MYO15B: variants seen among roughly 807,000 people sequenced by gnomAD.
MYO15B encodes the protein myosin XVB, also known as myosin XVB pseudogene.
Under a neutral mutation model 119.3 loss-of-function variants are expected in MYO15B, and 207 were observed. The ratio of observed to expected loss-of-function variants is 1.73; its 90% CI spans 1.55 to 1.95. The LOEUF (loss-of-function observed/expected upper bound fraction) is 1.95. MYO15B is among the 30% of genes most tolerant of loss of function. The probability of loss-of-function intolerance (pLI) is 0.00; values close to 1 mark genes in which losing one functional copy is unlikely to be tolerated. For missense variants in MYO15B, 2,264 were observed against 1,203.1 expected (o/e 1.88, Z -13.04); for synonymous variants, 966 against 498.9 (o/e 1.94, Z -12.48).
intron 14 of MYO15B, among the ~76,000 whole-genome samples, chr17:75,598,638 A>G (rs1281690857): frequency 6.6e-6 from 1 of 152,120 alleles, no homozygotes; most frequent in African/African-American, 2.4e-5. Context: ...ACATGTCTTC[A>G]TGTACTATAT....
chr17:75,605,225 CAGG>C (rs1327335637), intron 19 of MYO15B, among the ~76,000 whole-genome samples: 1 of 151,892 alleles, frequency 6.6e-6, no homozygotes, highest in African/African-American at 2.4e-5. Flanking sequence ...ATCACGAGGT[CAGG>C]AGATCGAGAC....
At chr17:75,594,703 G>T (rs1445333228) in exon 11 of MYO15B, 1 of 703,112 alleles carries the variant, frequency 1.4e-6, no homozygotes, top group Non-Finnish European at 2.6e-6. Flanking sequence ...CCCTCCAGGA[G>T]ACGCCCTATG....
chr17:75,622,081 G>A lies in MYO15B; in HGVS notation c.8082+1G>A. 3 of 703,032 alleles carry A rather than the reference G, an allele frequency of 4.3e-6. No homozygotes were observed. Among genetic ancestry groups the A allele is most frequent in the East Asian group, 2.7e-5 (1 of 37,294 alleles). 43.5% of individuals were successfully genotyped at this position (703,032 alleles called of 1,614,324 possible). ...GGATCTGCTCTATGAACTGCTGAAG[G>A]TAAGCCTGGGCTGTGCGACCCCCAG... is the stretch of plus-strand genomic sequence containing the variant. On this transcript the variant is annotated splice_donor_variant, in intron 53 of 63. Transcript: ENST00000645453. LOFTEE classifies it high-confidence loss of function.
exon 41 of MYO15B, chr17:75,617,275 A>G (rs1332093981): frequency 1.5e-6 from 1 of 665,126 alleles, no homozygotes; most frequent in East Asian, 2.7e-5. Flanking sequence ...CTGCCCGAGG[A>G]CCCAGGGACC....
intron 15 of MYO15B, 67 bp downstream of exon 15, chr17:75,601,630 C>T: frequency 1.5e-6 from 1 of 675,758 alleles, no homozygotes; most frequent in Non-Finnish European, 2.7e-6. Flanking sequence ...AGCTGAGTCA[C>T]CCGACAGCGG....
intron 40 of MYO15B, 21 bp downstream of exon 40, chr17:75,616,982 C>T (rs914887064): frequency 4.6e-5 from 32 of 702,734 alleles, no homozygotes; most frequent in Non-Finnish European, 6.8e-5. Context: ...CAGCCTGTCT[C>T]CCCCAGAGTG....
chr17:75,602,508 C>A lies in MYO15B; in HGVS notation c.3652-9C>A. The A allele has an allele frequency of 1.4e-6, 1 of 702,770 alleles. No individual in the cohort carries two copies. Among genetic ancestry groups the A allele is most frequent in the South Asian group, 1.5e-5 (1 of 67,560 alleles). 43.5% of individuals were successfully genotyped at this position (702,770 alleles called of 1,614,324 possible). ...CCACTTCCCTCCCCACCTGCATGGTCTCTTGCAGGTTCACAAGTTTTTAAA... is the reference window on the plus strand; with the variant it reads ...CCACTTCCCTCCCCACCTGCATGGTATCTTGCAGGTTCACAAGTTTTTAAA... On this transcript the variant is annotated splice_polypyrimidine_tract_variant and intron_variant, in intron 15 of 63. Coordinates refer to ENST00000645453, the Ensembl canonical transcript of MYO15B.
In MYO15B at chr17:75,598,270, AAAAAG is replaced by A. The variant is rs71161234; in HGVS notation, c.3525+1391_3525+1395del. On this transcript the variant is annotated intron_variant, in intron 14 of 63. Coordinates refer to ENST00000645453, the Ensembl canonical transcript of MYO15B. ...GGACAGAGCAAGACTCCGTCTCAAA[AAAAAG>A]AAAAGAAAAGAAAAGAAAATGGGCC... 6.0e-4 allele frequency among the ~76,000 whole-genome samples: 91 copies of A among 151,234 alleles called. 1 individual carries two copies. Among genetic ancestry groups the A allele is most frequent in the African/African-American group, 1.9e-3 (80 of 41,256 alleles).
At chr17:75,608,698 C>T (rs958715255) in intron 21 of MYO15B, among the ~76,000 whole-genome samples, 4 of 151,884 alleles carry the variant, frequency 2.6e-5, no homozygotes, top group Non-Finnish European at 5.9e-5. Context: ...GCTGGGATTA[C>T]GGGCATAGGC....
chr17:75,611,946 G>A (rs780855226), exon 25 of MYO15B: 78 of 702,822 alleles, frequency 1.1e-4, no homozygotes, highest in Non-Finnish European at 1.8e-4. Flanking sequence ...GTTCCTGCCC[G>A]GCCCAGCCTG....
In MYO15B at chr17:75,614,422, C is replaced by CT. The variant is rs1413918866; in HGVS notation, c.5381+63dup. The CT allele has an allele frequency of 1.9e-5, 13 of 685,198 alleles. No homozygotes were observed. In the African/African-American group the frequency reaches 2.3e-4, roughly 12 times the overall value. The allele number at this position is 685,198 out of a possible 1,614,324, so 42.4% of individuals were successfully genotyped here. ...CCTGCCGGGGAACCCCACAGCCACCCTGCCACACTCAGGGGTTTATAGGAG... is the reference window on the plus strand; with the variant it reads ...CCTGCCGGGGAACCCCACAGCCACCCTTGCCACACTCAGGGGTTTATAGGAG... On this transcript the variant is annotated intron_variant, in intron 30 of 63. Coordinates refer to ENST00000645453, the Ensembl canonical transcript of MYO15B.
intron 21 of MYO15B, among the ~76,000 whole-genome samples, chr17:75,608,175 G>A (rs2147929571): frequency 6.6e-6 from 1 of 152,118 alleles, no homozygotes; most frequent in Non-Finnish European, 1.5e-5. Flanking sequence ...CTGGAGTGCA[G>A]TGGCGCCATC....
At chr17:75,621,053 A>T (rs1222599102) in exon 50 of MYO15B, 1 of 702,848 alleles carries the variant, frequency 1.4e-6, no homozygotes, top group African/African-American at 1.7e-5. Context: ...CCTTGGAGCC[A>T]GGCACACAGT....
At chr17:75,588,325 G>A (rs1042037498) in exon 1 of MYO15B, 1 of 398,372 alleles carries the variant, frequency 2.5e-6, no homozygotes, top group African/African-American at 2.1e-5. Context: ...GAAAGCCCAG[G>A]AGAGGCAAAG....
At chr17:75,611,601 G>A (rs1225913312) in exon 24 of MYO15B, 2 of 702,670 alleles carry the variant, frequency 2.8e-6, no homozygotes, top group African/African-American at 3.5e-5. Flanking sequence ...CCTCTGCCAG[G>A]AGCTGGGGCG....
exon 46 of MYO15B, chr17:75,619,695 C>T (rs922883001): frequency 1.1e-5 from 8 of 702,736 alleles, no homozygotes; most frequent in East Asian, 2.7e-5. Context: ...AGAGTGGCAG[C>T]GACGTGCAGC....
intron 21 of MYO15B, among the ~76,000 whole-genome samples, chr17:75,608,820 G>A (rs932897226): frequency 3.3e-5 from 5 of 151,874 alleles, no homozygotes; most frequent in Admixed American, 2.0e-4. Flanking sequence ...TACAACCTCC[G>A]CCTCCTGGGT....
In MYO15B at chr17:75,589,903, G is replaced by A. The variant is rs1298956075; in HGVS notation, c.1846G>A (p.Asp616Asn). 2 of 398,664 alleles carry A rather than the reference G, an allele frequency of 5.0e-6. No homozygotes were observed. Among genetic ancestry groups the A allele is most frequent in the Non-Finnish European group, 8.8e-6 (2 of 226,014 alleles). 24.7% of individuals were successfully genotyped at this position (398,664 alleles called of 1,614,324 possible). The change falls in exon 1 of 64, where the codon GAC becomes AAC. Residue 616 changes from aspartate to asparagine, a missense_variant. By Grantham distance (23) the Asp-to-Asn change is conservative (BLOSUM62 1). Coordinates refer to ENST00000645453, the Ensembl canonical transcript of MYO15B. The surrounding 1 kb of genome is among the most constrained non-coding windows in gnomAD (Gnocchi z 4.2). ...GACTGCACCCGACGGGCCTTCCCTC[G>A]ACGAGAGCGGCTCCAGCAGTGAGGC... is the stretch of plus-strand genomic sequence containing the variant.
chr17:75,593,220 A>T (rs820248), intron 9 of MYO15B, among the ~76,000 whole-genome samples: 1 of 127,384 alleles, frequency 7.9e-6, no homozygotes, highest in Non-Finnish European at 1.7e-5. Flanking sequence ...AAAAAAAAAA[A>T]GGGTTGGCGG....
Sources: gnomAD v4.1 joint callset for allele counts (sites outside exome capture counted in the v4.1 genomes callset) on GRCh38, gnomAD v4.1.1 for gene constraint, Gnocchi (gnomAD v3.1) non-coding constraint, MANE v1.5 for transcripts, NCBI Gene and HGNC (gene_info 2026-07-23, HGNC 2026-07-21) for gene names.